Variants in UCHL5 observed in about 807,000 individuals in gnomAD.
The protein encoded by UCHL5 is ubiquitin C-terminal hydrolase L5.
In UCHL5, 34 loss-of-function variants were observed where a neutral mutation model predicts 53.8. The observed-to-expected ratio is 0.63, with a 90% CI of 0.48 to 0.84. The LOEUF (loss-of-function observed/expected upper bound fraction) is 0.84, where lower values mean the gene tolerates loss of function less well. UCHL5 is among the 40% of genes least tolerant of loss of function. The pLI, the probability that UCHL5 is intolerant of heterozygous loss-of-function variation, is 0.00. For synonymous variants in UCHL5, 111 were observed against 126.3 expected (o/e 0.88, Z 0.81); for missense variants, 290 against 385.6 (o/e 0.75, Z 2.08).
At chr1:193,055,013 T>C (rs1168318952) in intron 1 of UCHL5, among the ~76,000 whole-genome samples, 1 of 152,114 alleles carries the variant, frequency 6.6e-6, no homozygotes, top group Non-Finnish European at 1.5e-5. Flanking sequence ...AGACACAAAT[T>C]AAACAGATTT....
chr1:193,027,860 C>T (rs1439725895), intron 7 of UCHL5: 27 of 1,443,428 alleles, frequency 1.9e-5, no homozygotes, highest in African/African-American at 7.1e-5. Context: ...CAGTGGCTCA[C>T]GCCTGTAATC....
intron 8 of UCHL5, 94 bp downstream of exon 8, chr1:193,023,750 T>C: frequency 1.0e-6 from 1 of 981,980 alleles, no homozygotes; most frequent in South Asian, 1.5e-5. Context: ...TAGCCACCAT[T>C]CAGACCACTT....
intron 3 of UCHL5, among the ~76,000 whole-genome samples, chr1:193,039,339 G>A (rs998760917): frequency 1.3e-5 from 2 of 152,154 alleles, no homozygotes; most frequent in African/African-American, 2.4e-5. Flanking sequence ...GAACCTGGGA[G>A]GCAAGGTGGA....
chr1:193,020,491 G>A (rs755602752), intron 10 of UCHL5: 1 of 1,491,760 alleles, frequency 6.7e-7, no homozygotes, highest in Non-Finnish European at 9.0e-7. Context: ...ATTTTAAAGA[G>A]TATCCACTGA....
At chr1:193,027,921 G>C in intron 7 of UCHL5, 164 bp downstream of exon 7, 1 of 1,474,722 alleles carries the variant, frequency 6.8e-7, no homozygotes, top group Non-Finnish European at 9.0e-7. Flanking sequence ...TCAGGAGTCT[G>C]AGACCAGCCT....
intron 10 of UCHL5, chr1:193,019,849 T>C (rs1238371289): frequency 1.0e-6 from 1 of 954,842 alleles, no homozygotes; most frequent in South Asian, 4.8e-5. Context: ...TTAATATTTA[T>C]CTAAGGGTCC....
chr1:193,040,192 C>G (rs1665067650), intron 3 of UCHL5, among the ~76,000 whole-genome samples: 1 of 152,006 alleles, frequency 6.6e-6, no homozygotes, highest in Non-Finnish European at 1.5e-5. Flanking sequence ...AGGAACCAAT[C>G]AACAAAGTAA....
intron 1 of UCHL5, among the ~76,000 whole-genome samples, chr1:193,058,870 A>G (rs1036695823): frequency 5.9e-5 from 9 of 152,240 alleles, no homozygotes; most frequent in African/African-American, 1.7e-4. Flanking sequence ...GCAAAGGGCA[A>G]TACGTGCTTA....
intron 10 of UCHL5, chr1:193,020,545 C>G: frequency 7.8e-7 from 1 of 1,280,994 alleles, no homozygotes; most frequent in Non-Finnish European, 1.0e-6. Flanking sequence ...AACTTAAAAA[C>G]AATTTAACTG....
intron 2 of UCHL5, among the ~76,000 whole-genome samples, chr1:193,050,620 C>G (rs1447673921): frequency 6.6e-6 from 1 of 152,070 alleles, no homozygotes; most frequent in Non-Finnish European, 1.5e-5. Context: ...GTGAAGCGTG[C>G]CTGTAATCCC....
chr1:193,023,737 G>A (rs1002245060), intron 8 of UCHL5, 107 bp downstream of exon 8: 47 of 833,764 alleles, frequency 5.6e-5, no homozygotes, highest in African/African-American at 4.1e-4. Context: ...GTGTGTATTC[G>A]CTTAGCCACC....
chr1:193,033,375 C>CG (rs1488316034), intron 3 of UCHL5, among the ~76,000 whole-genome samples: 1 of 151,026 alleles, frequency 6.6e-6, no homozygotes. Context: ...CGGGGCTTGT[C>CG]GGGGGGTTGC....
At chr1:193,058,548 C>T (rs1463948151) in intron 1 of UCHL5, among the ~76,000 whole-genome samples, 1 of 152,252 alleles carries the variant, frequency 6.6e-6, no homozygotes, top group African/African-American at 2.4e-5. Flanking sequence ...AAGCATGTGG[C>T]CTCTAGTCTA....
intron 3 of UCHL5, among the ~76,000 whole-genome samples, chr1:193,045,361 G>A (rs995154537): frequency 2.6e-5 from 4 of 152,210 alleles, no homozygotes; most frequent in Non-Finnish European, 4.4e-5. Flanking sequence ...GGCCTGGTGG[G>A]AGGTGTTTGG....
At chr1:193,049,564 C>T in intron 3 of UCHL5, 182 bp downstream of exon 3, 1 of 436,506 alleles carries the variant, frequency 2.3e-6, no homozygotes. Context: ...GATAGATAAT[C>T]CCAGAAACAA....
intron 3 of UCHL5, among the ~76,000 whole-genome samples, chr1:193,038,779 T>C (rs1482845968): frequency 6.6e-6 from 1 of 152,090 alleles, no homozygotes; most frequent in Non-Finnish European, 1.5e-5. Context: ...GAGGAATGCT[T>C]GAGCCCAGGA....
chr1:193,059,704 T>C, upstream of UCHL5: 2 of 1,355,428 alleles, frequency 1.5e-6, no homozygotes, highest in South Asian at 2.3e-5. This position sits in a 1 kb window ranked among gnomAD's most constrained non-coding sequence, Gnocchi z 4.9. Context: ...TGCCTTCTTT[T>C]GTCGTTTCCC....
At chr1:193,033,252 T>C (rs984526886) in intron 3 of UCHL5, among the ~76,000 whole-genome samples, 5 of 152,024 alleles carry the variant, frequency 3.3e-5, no homozygotes, top group African/African-American at 1.2e-4. Flanking sequence ...CTGGAAACCA[T>C]CATTCTCAGC....
At chr1:193,059,801 TG>T (rs1558219482), upstream of UCHL5, 8 of 1,356,682 alleles carry the variant, frequency 5.9e-6, 1 homozygote, top group South Asian at 9.3e-5. The surrounding 1 kb of genome is among the most constrained non-coding windows in gnomAD (Gnocchi z 4.9). Context: ...GGAGGCCGGC[TG>T]GGAGCCTTTT....
Sources: allele counts gnomAD v4.1 joint callset (sites outside exome capture counted in the v4.1 genomes callset), GRCh38; gene constraint gnomAD v4.1.1; non-coding constraint Gnocchi (gnomAD v3.1); transcripts MANE v1.5; gene names NCBI Gene and HGNC (gene_info 2026-07-23, HGNC 2026-07-21).